The following ACSF3 variants were observed in gnomAD, a reference collection of about 807,000 sequenced individuals.
ACSF3 encodes malonate--CoA ligase ACSF3, mitochondrial.
A neutral mutation model predicts 53.2 loss-of-function variants in ACSF3; 78 were observed. The ratio of observed to expected loss-of-function variants is 1.47; its 90% CI spans 1.22 to 1.77. ACSF3 has a LOEUF of 1.77. ACSF3 is among the 40% of genes most tolerant of loss of function. ACSF3 has a pLI of 0.00. For missense variants in ACSF3, 937 were observed against 771.1 expected, an observed-to-expected ratio of 1.22 and a Z score of -2.55; for synonymous variants, 414 against 333.1, an observed-to-expected ratio of 1.24 and a Z score of -2.65.
chr16:89,105,338 C>A (rs547031479), intron 4 of ACSF3, among the ~76,000 whole-genome samples: 2 of 152,310 alleles, frequency 1.3e-5, no homozygotes, highest in East Asian at 3.9e-4. Flanking sequence ...AGTGACCCGA[C>A]CCTCCTTGCG....
chr16:89,123,085 A>C (rs1907053661), intron 7 of ACSF3, among the ~76,000 whole-genome samples: 3 of 152,190 alleles, frequency 2.0e-5, no homozygotes, highest in African/African-American at 2.4e-5. Flanking sequence ...ATCTGCTGAC[A>C]GCAGGCCCGG....
intron 4 of ACSF3, among the ~76,000 whole-genome samples, chr16:89,107,993 G>T (rs1446311818): frequency 6.6e-6 from 1 of 152,222 alleles, no homozygotes; most frequent in African/African-American, 2.4e-5. Context: ...GAATCATGGT[G>T]GGAGGCAAAA....
At chr16:89,100,563 G>A (rs999912949) in intron 2 of ACSF3, 99 bp from the exon 3 acceptor site, 30 of 1,213,936 alleles carry the variant, frequency 2.5e-5, no homozygotes, top group Middle Eastern at 2.7e-4. Flanking sequence ...TGCAGCAGGC[G>A]TACCTGGCTG....
At chr16:89,096,185 G>A (rs1002478477) in intron 1 of ACSF3, among the ~76,000 whole-genome samples, 4 of 152,130 alleles carry the variant, frequency 2.6e-5, no homozygotes, top group South Asian at 2.1e-4. Flanking sequence ...ACGTGGTGAC[G>A]CCGCTGACCT....
chr16:89,154,565 C>CCAAT lies in ACSF3; in HGVS notation c.*358_*359insCAAT, dbSNP rs112906978. 161 of 472,152 alleles carry CCAAT rather than the reference C, an allele frequency of 3.4e-4. 1 individual carries two copies. Among genetic ancestry groups the CCAAT allele is most frequent in the African/African-American group, 3.0e-3 (152 of 50,872 alleles). The allele number at this position is 472,152 out of a possible 1,614,324, so 29.2% of individuals were successfully genotyped here. On this transcript the variant is annotated 3_prime_UTR_variant, in exon 11 of 11. Transcript: ENST00000614302. ...GGTCCCAGAGGTTTCCCACAAAAAA[C>CCAAT]AAAGACTCCACTGGAGGAAACAAGC...
chr16:89,123,441 G>A (rs1907145646), intron 7 of ACSF3, among the ~76,000 whole-genome samples: 1 of 152,212 alleles, frequency 6.6e-6, no homozygotes, highest in Non-Finnish European at 1.5e-5. Flanking sequence ...CAGCATCCCA[G>A]AACCCGAGGG....
chr16:89,131,697 G>T (rs1455170885), intron 7 of ACSF3, among the ~76,000 whole-genome samples: 1 of 151,892 alleles, frequency 6.6e-6, no homozygotes, highest in East Asian at 1.9e-4. Flanking sequence ...CATTTTATTT[G>T]TAGGGCCTTT....
chr16:89,129,455 G>C (rs1461400290), intron 7 of ACSF3, among the ~76,000 whole-genome samples: 1 of 152,094 alleles, frequency 6.6e-6, no homozygotes, highest in Non-Finnish European at 1.5e-5. Context: ...GTTGGAGTTT[G>C]CATGGTATTT....
chr16:89,143,682 CT>C (rs1220297023), intron 8 of ACSF3, among the ~76,000 whole-genome samples: 1 of 152,316 alleles, frequency 6.6e-6, no homozygotes, highest in East Asian at 1.9e-4. Context: ...TGCACACCCC[CT>C]TCCAGCCGCC....
At chr16:89,141,422 C>G (rs765449674) in intron 8 of ACSF3, 105 of 884,096 alleles carry the variant, frequency 1.2e-4, no homozygotes, top group Non-Finnish European at 1.6e-4. Flanking sequence ...CGGGGCCGCC[C>G]CTTTGGGTGG....
intron 7 of ACSF3, among the ~76,000 whole-genome samples, chr16:89,131,695 T>A (rs1009932738): frequency 1.3e-5 from 2 of 151,916 alleles, no homozygotes; most frequent in Non-Finnish European, 2.9e-5. Flanking sequence ...GTCATTTTAT[T>A]TGTAGGGCCT....
At position 89,101,025 on chromosome 16, in the gene ACSF3, C is replaced by T; in HGVS notation, c.344C>T (p.Ser115Leu). 5.6e-6 allele frequency: 9 copies of T among 1,613,940 alleles called. No individual in the cohort carries two copies. Among genetic ancestry groups the T allele is most frequent in the Non-Finnish European group, 6.8e-6 (8 of 1,179,892 alleles). Residue 115 changes from serine (S) to leucine (L), a missense_variant, in exon 3 of 11, where the codon TCA becomes TTA. Transcript: ENST00000614302. ...DASYVVAQWA[S>L]WMSGGVAVPL... ...TCCTACGTCGTGGCCCAGTGGGCGT[C>T]ATGGATGAGTGGCGGTGTGGCAGTC...
In ACSF3 at chr16:89,145,510, G is replaced by T. The variant is rs535636535; in HGVS notation, c.1501+109G>T. 2.0e-5 allele frequency: 27 copies of T among 1,363,748 alleles called. No individual in the cohort carries two copies. The East Asian group carries it at 6.1e-4, about 31-fold the overall frequency. The allele number at this position is 1,363,748 out of a possible 1,614,324, so 84.5% of individuals were successfully genotyped here. A position where few individuals can be genotyped will look rare whatever the true frequency, so the allele number is the denominator to read the frequency against. ...TCGACGCCGTCCCAGCTGCCTGCAGGGGTCCCTGTGATGCTCACCTCTGGT... is the reference window on the plus strand; with the variant it reads ...TCGACGCCGTCCCAGCTGCCTGCAGTGGTCCCTGTGATGCTCACCTCTGGT... On this transcript the variant is annotated intron_variant, in intron 9 of 10. Transcript: ENST00000614302.
intron 1 of ACSF3, among the ~76,000 whole-genome samples, chr16:89,094,778 C>G (rs904949159): frequency 1.3e-5 from 2 of 152,174 alleles, no homozygotes; most frequent in African/African-American, 4.8e-5. Context: ...ACCTGCACTT[C>G]CAGCTACTGG....
At chr16:89,137,133 G>T (rs968826784) in intron 8 of ACSF3, among the ~76,000 whole-genome samples, 5 of 152,238 alleles carry the variant, frequency 3.3e-5, no homozygotes, top group Admixed American at 3.3e-4. Context: ...GAGAGGGGCG[G>T]TAGGGCAGGG....
chr16:89,116,813 T>A (rs1340333597), intron 6 of ACSF3, among the ~76,000 whole-genome samples: 1 of 152,056 alleles, frequency 6.6e-6, no homozygotes, highest in African/African-American at 2.4e-5. Flanking sequence ...CCAGGAAACC[T>A]CCACCTCCGT....
chr16:89,094,794 C>A (rs778332610), intron 1 of ACSF3, among the ~76,000 whole-genome samples: 1 of 152,168 alleles, frequency 6.6e-6, no homozygotes, highest in Non-Finnish European at 1.5e-5. Flanking sequence ...ACTGGTTAGG[C>A]TGAGGCACGA....
intron 8 of ACSF3, among the ~76,000 whole-genome samples, chr16:89,144,101 A>G (rs1039100336): frequency 1.3e-5 from 2 of 152,166 alleles, no homozygotes; most frequent in African/African-American, 4.8e-5. Flanking sequence ...AGCTGCACAC[A>G]CGCTCGCAGG....
intron 6 of ACSF3, 24 bp downstream of exon 6, chr16:89,114,511 G>T: frequency 6.2e-7 from 1 of 1,608,516 alleles, no homozygotes. Flanking sequence ...CCACAGCTGC[G>T]TTCCTCTTCC....
Sources: allele counts gnomAD v4.1 joint callset (sites outside exome capture counted in the v4.1 genomes callset), GRCh38; gene constraint gnomAD v4.1.1; transcripts MANE v1.5; gene names NCBI Gene and HGNC (gene_info 2026-07-23, HGNC 2026-07-21).